The following SEMA3E variants were observed in gnomAD, a reference collection of about 807,000 sequenced individuals.
SEMA3E encodes the protein semaphorin-3E.
SEMA3E carries 49 observed loss-of-function variants against 93.6 expected under a neutral mutation model. The ratio of observed to expected loss-of-function variants is 0.52; its 90% CI spans 0.42 to 0.66. SEMA3E has a LOEUF of 0.66. Among genes scored for constraint, SEMA3E ranks in the 30% least tolerant of loss-of-function variants. The probability of loss-of-function intolerance (pLI) is 0.00; values close to 1 mark genes in which losing one functional copy is unlikely to be tolerated. For synonymous variants in SEMA3E, 363 were observed against 330.7 expected (o/e 1.10, Z -1.06); for missense variants, 906 against 964.8 (o/e 0.94, Z 0.81).
intron 2 of SEMA3E, among the ~76,000 whole-genome samples, chr7:83,482,434 C>T (rs1465590830): frequency 2.0e-5 from 3 of 151,542 alleles, no homozygotes; most frequent in African/African-American, 4.9e-5. Flanking sequence ...GGTGTGGTGG[C>T]GGGTGCCTGT....
Position 83,466,585 on chromosome 7 carries a change from T to C in SEMA3E, c.353A>G (p.Tyr118Cys). 2 of 1,613,604 alleles carry C rather than the reference T, an allele frequency of 1.2e-6. No individual in the cohort carries two copies. The highest frequency in any genetic ancestry group is 2.2e-5 in the East Asian group (1 of 44,862). ...GTTATAGTGATGCAAAACCCGAACATAATTTGCACATTCACCCTAAAGCAG... is the reference window on the plus strand; with the variant it reads ...GTTATAGTGATGCAAAACCCGAACACAATTTGCACATTCACCCTAAAGCAG... ...KGKDAGECAN[Y>C]VRVLHHYNRT... Residue 118 changes from tyrosine (Y) to cysteine (C), a missense_variant, in exon 4 of 17, where the codon TAT becomes TGT. By Grantham distance (194) the Tyr-to-Cys change is radical. Transcript: ENST00000643230.
chr7:83,372,549 G>T, intron 16 of SEMA3E: 8 of 272,228 alleles, frequency 2.9e-5, no homozygotes, highest in East Asian at 1.2e-4. Flanking sequence ...AAAAAAGCAG[G>T]GTTTAAAAAA....
chr7:83,482,408 T>A (rs1362500120), intron 2 of SEMA3E, among the ~76,000 whole-genome samples: 1 of 151,256 alleles, frequency 6.6e-6, no homozygotes, highest in East Asian at 2.0e-4. Flanking sequence ...CTACTAAAAA[T>A]ACAAAAAATT....
chr7:83,565,126 C>G (rs1249983012), intron 1 of SEMA3E, among the ~76,000 whole-genome samples: 1 of 152,080 alleles, frequency 6.6e-6, no homozygotes, highest in African/African-American at 2.4e-5. Flanking sequence ...GACACATACA[C>G]CGTCCCAAGA....
At chr7:83,577,854 A>T (rs2115893441) in intron 1 of SEMA3E, among the ~76,000 whole-genome samples, 1 of 152,174 alleles carries the variant, frequency 6.6e-6, no homozygotes, top group African/African-American at 2.4e-5. Context: ...TAGTTATCAT[A>T]AATATAAATA....
intron 1 of SEMA3E, among the ~76,000 whole-genome samples, chr7:83,566,147 G>A (rs1365954989): frequency 4.0e-5 from 6 of 149,840 alleles, no homozygotes; most frequent in African/African-American, 7.4e-5. Flanking sequence ...ACAGGCGGCC[G>A]TCACCACACC....
chr7:83,627,172 A>T (rs1459646327), intron 1 of SEMA3E, among the ~76,000 whole-genome samples: 2 of 152,144 alleles, frequency 1.3e-5, no homozygotes, highest in South Asian at 2.1e-4. Context: ...AGAAGAATGT[A>T]TATTCTGTTG....
chr7:83,408,350 T>C lies in SEMA3E; in HGVS notation c.670+18A>G. On this transcript the variant is annotated intron_variant, in intron 6 of 16. Coordinates refer to ENST00000643230, the MANE Select transcript of SEMA3E (RefSeq NM_012431.3). The stretch of plus-strand genomic sequence containing the variant: ...TTGATTTCAATCCTAATTCACATAC[T>C]CTTTTCCTCATCCTTACCTTTCAAC... The C allele has an allele frequency of 1.2e-6, 2 of 1,613,616 alleles. No homozygotes were observed. The highest frequency in any genetic ancestry group is 1.7e-6 in the Non-Finnish European group (2 of 1,179,706).
At chr7:83,422,617 C>T (rs1473705274) in intron 4 of SEMA3E, among the ~76,000 whole-genome samples, 4 of 152,224 alleles carry the variant, frequency 2.6e-5, no homozygotes, top group African/African-American at 7.2e-5. Context: ...CAAACATCAG[C>T]GTCATGGAAA....
At chr7:83,565,516 A>G (rs1348849230) in intron 1 of SEMA3E, among the ~76,000 whole-genome samples, 1 of 152,126 alleles carries the variant, frequency 6.6e-6, no homozygotes, top group Non-Finnish European at 1.5e-5. Flanking sequence ...GAACTTAAAA[A>G]CCAGAACTTA....
At chr7:83,430,142 A>G (rs1259372000) in intron 4 of SEMA3E, among the ~76,000 whole-genome samples, 1 of 152,160 alleles carries the variant, frequency 6.6e-6, no homozygotes, top group Admixed American at 6.5e-5. Context: ...AATTGAGAAA[A>G]TAGACTCTAA....
At chr7:83,517,359 C>T (rs960051601) in intron 1 of SEMA3E, among the ~76,000 whole-genome samples, 2 of 152,116 alleles carry the variant, frequency 1.3e-5, no homozygotes, top group African/African-American at 4.8e-5. Context: ...CTAAAATCAT[C>T]AACAACGTTG....
intron 1 of SEMA3E, among the ~76,000 whole-genome samples, chr7:83,520,722 T>C (rs1791026529): frequency 1.3e-5 from 2 of 152,298 alleles, no homozygotes; most frequent in African/African-American, 2.4e-5. Flanking sequence ...CAGGGATAGA[T>C]AGGATAGAAG....
At position 83,470,822 on chromosome 7, in the gene SEMA3E, G is replaced by A. The variant is rs114729021; in HGVS notation, c.277-1520C>T. Reference sequence around the variant, plus strand: ...TGCACACATATAGTCTGCTGTTTCTGAGTGTTTTGTAATGTTAAGGTGTGG... The same window carrying A: ...TGCACACATATAGTCTGCTGTTTCTAAGTGTTTTGTAATGTTAAGGTGTGG... On this transcript the variant is annotated intron_variant, in intron 2 of 16. Transcript: ENST00000643230. Among the ~76,000 whole-genome samples the A allele has an allele frequency of 2.8e-3, 421 of 148,390 alleles. 2 individuals carry two copies. The highest frequency in any genetic ancestry group is 8.5e-3 in the African/African-American group (348 of 40,742).
At chr7:83,518,149 T>C (rs1790971084) in intron 1 of SEMA3E, among the ~76,000 whole-genome samples, 1 of 152,096 alleles carries the variant, frequency 6.6e-6, no homozygotes, top group African/African-American at 2.4e-5. Flanking sequence ...GATTTATTTG[T>C]AGTTAGTACA....
chr7:83,400,842 T>A (rs1268869825), intron 10 of SEMA3E, among the ~76,000 whole-genome samples: 1 of 152,150 alleles, frequency 6.6e-6, no homozygotes, highest in Non-Finnish European at 1.5e-5. Context: ...AGGGAAACAA[T>A]CTATTGTTCA....
At chr7:83,643,325 G>T (rs1034004660) in intron 1 of SEMA3E, among the ~76,000 whole-genome samples, 1 of 151,922 alleles carries the variant, frequency 6.6e-6, no homozygotes, top group African/African-American at 2.4e-5. Flanking sequence ...TATTAACAAA[G>T]AACAGGCATT....
intron 1 of SEMA3E, among the ~76,000 whole-genome samples, chr7:83,541,275 A>T (rs1475098753): frequency 2.0e-5 from 3 of 152,226 alleles, no homozygotes. Flanking sequence ...AAGTTTCTAT[A>T]TATTATGAAA....
At chr7:83,619,123 C>T (rs1046848518) in intron 1 of SEMA3E, among the ~76,000 whole-genome samples, 8 of 151,636 alleles carry the variant, frequency 5.3e-5, no homozygotes, top group South Asian at 2.1e-4. Context: ...TGCAGAACTT[C>T]GGGTCATTTA....
Sources: allele counts gnomAD v4.1 joint callset (sites outside exome capture counted in the v4.1 genomes callset), GRCh38; gene constraint gnomAD v4.1.1; transcripts MANE v1.5; gene names NCBI Gene and HGNC (gene_info 2026-07-23, HGNC 2026-07-21).